PPFIBP1: variants seen among roughly 807,000 people sequenced by gnomAD.
The protein encoded by PPFIBP1 is PPFIB scaffold protein 1.
Under a neutral mutation model 137.8 loss-of-function variants are expected in PPFIBP1, and 112 were observed. The observed-to-expected ratio is 0.81, with a 90% confidence interval of 0.70 to 0.95. The LOEUF is 0.95. Ranked by LOEUF, PPFIBP1 falls within the 40% of genes least tolerant of loss-of-function variation. The probability of loss-of-function intolerance (pLI) is 0.00; values close to 1 mark genes in which losing one functional copy is unlikely to be tolerated. For synonymous variants in PPFIBP1, 378 were observed against 417.3 expected, an observed-to-expected ratio of 0.91 and a Z score of 1.15; for missense variants, 1,083 against 1,196.6, an observed-to-expected ratio of 0.91 and a Z score of 1.40.
intron 19 of PPFIBP1, 54 bp from the exon 20 acceptor site, chr12:27,679,432 ACAT>A: frequency 6.6e-6 from 10 of 1,504,498 alleles, no homozygotes; most frequent in Non-Finnish European, 9.0e-6. Context: ...AAGAAGATTA[ACAT>A]CATGTTTATT....
At chr12:27,613,932 C>G (rs2055448636) in intron 2 of PPFIBP1, among the ~76,000 whole-genome samples, 1 of 152,140 alleles carries the variant, frequency 6.6e-6, no homozygotes, top group Non-Finnish European at 1.5e-5. Flanking sequence ...CCACACACGT[C>G]CATACAGCAC....
chr12:27,550,992 T>TATATATATATATATA (rs1491167502), intron 1 of PPFIBP1, among the ~76,000 whole-genome samples: 1 of 88,934 alleles, frequency 1.1e-5, no homozygotes, highest in African/African-American at 3.8e-5. Context: ...TATATATATA[T>TATATATATATATATA]TTTTTTTTTT....
chr12:27,564,740 G>A (rs2049493057), intron 1 of PPFIBP1, among the ~76,000 whole-genome samples: 2 of 152,024 alleles, frequency 1.3e-5, no homozygotes, highest in South Asian at 4.2e-4. Flanking sequence ...TGCTTTCCGG[G>A]TCTCTCCTGC....
chr12:27,565,084 C>G (rs931889872), intron 1 of PPFIBP1, among the ~76,000 whole-genome samples: 1 of 152,230 alleles, frequency 6.6e-6, no homozygotes, highest in African/African-American at 2.4e-5. Flanking sequence ...ATGCTTTTTA[C>G]ACAGTTTGTA....
In PPFIBP1 at chr12:27,692,597, G is replaced by A. The variant is rs1203639433; in HGVS notation, c.2872G>A (p.Asp958Asn). ...TATGGTTTGTTATTTGCAGATGGAAGATTCAGAAGGGACAGTGAGACAGAT... is the reference window on the plus strand; with the variant it reads ...TATGGTTTGTTATTTGCAGATGGAAAATTCAGAAGGGACAGTGAGACAGAT... Reference protein sequence around the residue: ...DDLDRLEQMEDSEGTVRQIGA... With the variant: ...DDLDRLEQMENSEGTVRQIGA... The change falls in exon 29 of 30, where the codon GAT (aspartate) becomes AAT (asparagine). Residue 958 changes from aspartate (D) to asparagine (N), a missense_variant. Transcript: ENST00000228425. The A allele has an allele frequency of 6.2e-7, 1 of 1,613,640 alleles. No individual in the cohort carries two copies. The highest frequency in any genetic ancestry group is 1.7e-5 in the Admixed American group (1 of 60,028).
At chr12:27,675,774 G>A (rs1187640334) in intron 17 of PPFIBP1, among the ~76,000 whole-genome samples, 1 of 152,164 alleles carries the variant, frequency 6.6e-6, no homozygotes, top group East Asian at 1.9e-4. Flanking sequence ...TCTAGGCAAA[G>A]CATCTTTGTA....
intron 26 of PPFIBP1, 90 bp from the exon 27 acceptor site, chr12:27,688,925 A>AAG: frequency 7.6e-7 from 1 of 1,315,906 alleles, no homozygotes; most frequent in Non-Finnish European, 1.0e-6. Flanking sequence ...GAGATAACCT[A>AAG]AGAGAAAGCT....
intron 1 of PPFIBP1, among the ~76,000 whole-genome samples, chr12:27,570,261 C>T (rs2050028914): frequency 6.6e-6 from 1 of 152,052 alleles, no homozygotes; most frequent in Non-Finnish European, 1.5e-5. Context: ...AGTAATCATT[C>T]CTTTATCGAA....
intron 2 of PPFIBP1, chr12:27,594,044 T>C: frequency 1.5e-6 from 2 of 1,312,532 alleles, no homozygotes; most frequent in Middle Eastern, 2.0e-4. Flanking sequence ...TGCCATGGAG[T>C]TCAAAGGCAC....
intron 10 of PPFIBP1, among the ~76,000 whole-genome samples, chr12:27,660,098 C>T (rs1345905862): frequency 6.6e-6 from 1 of 151,768 alleles, no homozygotes; most frequent in African/African-American, 2.4e-5. Context: ...TGCTATGTTG[C>T]CCAGGCTGGT....
At chr12:27,549,867 A>G (rs367595338) in intron 1 of PPFIBP1, among the ~76,000 whole-genome samples, 42 of 152,090 alleles carry the variant, frequency 2.8e-4, no homozygotes, top group Non-Finnish European at 1.5e-4. Context: ...GGAGAGTGCT[A>G]TTTGGCTGTT....
chr12:27,594,267 T>A (rs2052919233), intron 2 of PPFIBP1, among the ~76,000 whole-genome samples: 1 of 135,278 alleles, frequency 7.4e-6, no homozygotes. Context: ...AACCTCCACC[T>A]CCTGGGTTCA....
At chr12:27,613,156 C>G (rs1257864182) in intron 2 of PPFIBP1, among the ~76,000 whole-genome samples, 3 of 152,248 alleles carry the variant, frequency 2.0e-5, no homozygotes, top group African/African-American at 7.2e-5. Flanking sequence ...CTATTAGACT[C>G]TCCCTGATTG....
chr12:27,672,552 C>G lies in PPFIBP1; in HGVS notation c.1319+69C>G, dbSNP rs1480101983. The G allele has an allele frequency of 9.6e-6, 11 of 1,142,746 alleles. No homozygotes were observed. In the Admixed American group the frequency reaches 1.8e-4, roughly 19 times the overall value. 70.8% of individuals were successfully genotyped at this position (1,142,746 alleles called of 1,614,324 possible). ...GAGAAAGAGAGTTCTGTTATACTAA[C>G]AATTACTAATATTAACAGCAAATGA... On this transcript the variant is annotated intron_variant, in intron 15 of 29. Coordinates refer to ENST00000228425, the MANE Select transcript of PPFIBP1 (RefSeq NM_003622.4).
chr12:27,543,226 AT>A (rs1418019929), intron 1 of PPFIBP1, among the ~76,000 whole-genome samples: 1 of 152,184 alleles, frequency 6.6e-6, no homozygotes, highest in African/African-American at 2.4e-5. Flanking sequence ...AGGCTTTTTC[AT>A]TTTAATAAAT....
intron 4 of PPFIBP1, among the ~76,000 whole-genome samples, chr12:27,645,267 C>T (rs1244010803): frequency 6.6e-6 from 1 of 152,206 alleles, no homozygotes; most frequent in Admixed American, 6.5e-5. Flanking sequence ...ACTTATGCTA[C>T]TACGTACGTT....
At chr12:27,662,037 GT>G (rs2059584475) in intron 11 of PPFIBP1, among the ~76,000 whole-genome samples, 1 of 152,060 alleles carries the variant, frequency 6.6e-6, no homozygotes, top group South Asian at 2.1e-4. Context: ...AATTCCCAGT[GT>G]TGAATGAGGG....
chr12:27,527,626 G>A (rs568714631), intron 1 of PPFIBP1, among the ~76,000 whole-genome samples: 17 of 152,284 alleles, frequency 1.1e-4, no homozygotes, highest in African/African-American at 3.6e-4. Flanking sequence ...ATTAATGAAT[G>A]CATATTCATT....
intron 27 of PPFIBP1, among the ~76,000 whole-genome samples, chr12:27,690,969 G>A (rs1036235279): frequency 1.3e-5 from 2 of 151,180 alleles, no homozygotes; most frequent in African/African-American, 4.9e-5. Flanking sequence ...TGGGTTACTG[G>A]GTCCTCCAGA....
Sources: allele counts gnomAD v4.1 joint callset (sites outside exome capture counted in the v4.1 genomes callset), GRCh38; gene constraint gnomAD v4.1.1; transcripts MANE v1.5; gene names NCBI Gene and HGNC (gene_info 2026-07-23, HGNC 2026-07-21).